Variants in KCNB2 observed in about 807,000 individuals in gnomAD.
The protein encoded by KCNB2 is delayed rectifier potassium channel protein.
KCNB2 carries 15 observed loss-of-function variants against 61.5 expected under a neutral mutation model. The ratio of observed to expected loss-of-function variants is 0.24; its 90% confidence interval spans 0.16 to 0.38. KCNB2 has a LOEUF of 0.38. KCNB2 is among the 10% of genes least tolerant of loss of function. The probability of loss-of-function intolerance (pLI) is 1.00; values close to 1 mark genes in which losing one functional copy is unlikely to be tolerated. For synonymous variants in KCNB2, 457 were observed against 446.0 expected (o/e 1.02, Z -0.31); for missense variants, 828 against 1,125.2 (o/e 0.74, Z 3.78).
intron 2 of KCNB2, among the ~76,000 whole-genome samples, chr8:72,793,608 G>A (rs1808980480): frequency 6.6e-6 from 1 of 151,994 alleles, no homozygotes; most frequent in African/African-American, 2.4e-5. Flanking sequence ...CAAAGCCTAG[G>A]CCCACCCCAG....
chr8:72,831,667 A>T (rs1339391394), intron 2 of KCNB2, among the ~76,000 whole-genome samples: 5 of 152,252 alleles, frequency 3.3e-5, no homozygotes, highest in Non-Finnish European at 7.3e-5. Context: ...AAATATGTTC[A>T]TGTCAACTTT....
chr8:72,538,834 G>T (rs1436621362), intron 1 of KCNB2, among the ~76,000 whole-genome samples: 1 of 152,126 alleles, frequency 6.6e-6, no homozygotes, highest in Non-Finnish European at 1.5e-5. Context: ...GCATTTTATT[G>T]TTATTGTTAA....
intron 2 of KCNB2, among the ~76,000 whole-genome samples, chr8:72,612,558 AGAAACAC>A (rs1273440254): frequency 6.6e-6 from 1 of 152,200 alleles, no homozygotes; most frequent in Admixed American, 6.5e-5. Context: ...TATGGTACTT[AGAAACAC>A]TTGCCCCTGA....
chr8:72,710,569 T>G (rs1743832449), intron 2 of KCNB2, among the ~76,000 whole-genome samples: 1 of 152,102 alleles, frequency 6.6e-6, no homozygotes, highest in Admixed American at 6.6e-5. Context: ...AGCAGGCCCA[T>G]GTACCTCAGT....
At chr8:72,717,156 CAA>C (rs1807458829) in intron 2 of KCNB2, among the ~76,000 whole-genome samples, 1 of 151,994 alleles carries the variant, frequency 6.6e-6, no homozygotes, top group Admixed American at 6.6e-5. Context: ...CTCAATGAAA[CAA>C]AAGAGGCTAC....
At chr8:72,559,003 A>G (rs1806469788) in intron 1 of KCNB2, among the ~76,000 whole-genome samples, 1 of 152,190 alleles carries the variant, frequency 6.6e-6, no homozygotes, top group Non-Finnish European at 1.5e-5. Context: ...AGAAGGATCT[A>G]CAACAGAGAG....
intron 2 of KCNB2, among the ~76,000 whole-genome samples, chr8:72,602,083 C>A (rs755770767): frequency 9.2e-5 from 14 of 152,106 alleles, no homozygotes; most frequent in Middle Eastern, 3.2e-3. Context: ...GGGAAGAAAT[C>A]CTGGAAAAGC....
chr8:72,859,606 A>G (rs1436824506), intron 2 of KCNB2, among the ~76,000 whole-genome samples: 1 of 148,746 alleles, frequency 6.7e-6, no homozygotes, highest in African/African-American at 2.5e-5. Context: ...TTTCATATAT[A>G]TTCACAGTAC....
At chr8:72,669,819 C>A (rs1010417873) in intron 2 of KCNB2, among the ~76,000 whole-genome samples, 3 of 152,188 alleles carry the variant, frequency 2.0e-5, no homozygotes, top group Non-Finnish European at 4.4e-5. Context: ...TAGGACTACC[C>A]CATGCCAGCC....
At chr8:72,755,125 A>G (rs182296726) in intron 2 of KCNB2, among the ~76,000 whole-genome samples, 9 of 152,306 alleles carry the variant, frequency 5.9e-5, no homozygotes, top group East Asian at 3.9e-4. Flanking sequence ...ACAGATTTCA[A>G]TTGAGGGGTG....
intron 2 of KCNB2, among the ~76,000 whole-genome samples, chr8:72,872,845 A>G (rs944931718): frequency 6.6e-6 from 1 of 152,194 alleles, no homozygotes; most frequent in Non-Finnish European, 1.5e-5. Context: ...GCCTAGCACA[A>G]CTTTTACATT....
intron 2 of KCNB2, among the ~76,000 whole-genome samples, chr8:72,793,425 A>G (rs1361297856): frequency 6.6e-6 from 1 of 152,220 alleles, no homozygotes; most frequent in African/African-American, 2.4e-5. Context: ...AGGAGAACAC[A>G]TTTGGAGCAG....
At chr8:72,627,518 A>G (rs566872731) in intron 2 of KCNB2, among the ~76,000 whole-genome samples, 41 of 152,344 alleles carry the variant, frequency 2.7e-4, no homozygotes, top group African/African-American at 8.9e-4. Context: ...TTGATACATT[A>G]GAGAACAATT....
At chr8:72,906,457 A>G (rs891445345) in intron 2 of KCNB2, among the ~76,000 whole-genome samples, 1 of 152,202 alleles carries the variant, frequency 6.6e-6, no homozygotes, top group East Asian at 1.9e-4. Context: ...ATTTATTTCC[A>G]TTTCTTTTAC....
chr8:72,866,020 T>C (rs1321621167), intron 2 of KCNB2, among the ~76,000 whole-genome samples: 2 of 152,214 alleles, frequency 1.3e-5, no homozygotes, highest in African/African-American at 2.4e-5. Flanking sequence ...TTGTGGTCAC[T>C]CCATAAATAT....
intron 2 of KCNB2, among the ~76,000 whole-genome samples, chr8:72,651,695 G>A (rs966247688): frequency 6.6e-6 from 1 of 151,260 alleles, no homozygotes; most frequent in African/African-American, 2.4e-5. Context: ...TTGTCTTTGG[G>A]CACCAGATCT....
intron 2 of KCNB2, among the ~76,000 whole-genome samples, chr8:72,715,633 A>G (rs545054581): frequency 6.6e-6 from 1 of 152,362 alleles, no homozygotes; most frequent in African/African-American, 2.4e-5. Context: ...GACACAACAT[A>G]CCAGAATCTC....
At chr8:72,582,274 C>A (rs1023717680) in intron 2 of KCNB2, among the ~76,000 whole-genome samples, 4 of 152,172 alleles carry the variant, frequency 2.6e-5, no homozygotes, top group African/African-American at 9.7e-5. Context: ...GCAGAGGGAC[C>A]GCAGAAGGCA....
chr8:72,887,494 G>C (rs970029647), intron 2 of KCNB2, among the ~76,000 whole-genome samples: 1 of 152,178 alleles, frequency 6.6e-6, no homozygotes, highest in African/African-American at 2.4e-5. Flanking sequence ...CTCATCAGAA[G>C]ATGGGCCCAG....
Sources: allele counts gnomAD v4.1 joint callset (sites outside exome capture counted in the v4.1 genomes callset), GRCh38; gene constraint gnomAD v4.1.1; transcripts MANE v1.5; gene names NCBI Gene and HGNC (gene_info 2026-07-23, HGNC 2026-07-21).